Variants in ITGA11 observed in about 807,000 individuals in gnomAD.
The protein encoded by ITGA11 is integrin subunit alpha 11.
In ITGA11, 97 loss-of-function variants were observed where a neutral mutation model predicts 141.9. The observed-to-expected ratio is 0.68, with a 90% CI of 0.58 to 0.81. ITGA11 has a LOEUF of 0.81. ITGA11 is among the 30% of genes least tolerant of loss of function. The probability of loss-of-function intolerance (pLI) is 0.00; values close to 1 mark genes in which losing one functional copy is unlikely to be tolerated. For missense variants in ITGA11, 1,387 were observed against 1,559.2 expected (o/e 0.89, Z 1.86); for synonymous variants, 658 against 624.6 (o/e 1.05, Z -0.80).
intron 1 of ITGA11, among the ~76,000 whole-genome samples, chr15:68,420,029 T>C (rs1393424168): frequency 6.6e-6 from 1 of 152,162 alleles, no homozygotes; most frequent in African/African-American, 2.4e-5. Context: ...TCATGTCATC[T>C]CCCAAGCCAC....
intron 4 of ITGA11, among the ~76,000 whole-genome samples, chr15:68,362,775 G>T (rs1277650373): frequency 8.5e-5 from 13 of 152,122 alleles, no homozygotes; most frequent in Non-Finnish European, 2.9e-5. Flanking sequence ...TGGATGAATG[G>T]ATGATGAATG....
chr15:68,392,620 C>T (rs899947141), intron 2 of ITGA11, among the ~76,000 whole-genome samples: 1 of 152,112 alleles, frequency 6.6e-6, no homozygotes, highest in Non-Finnish European at 1.5e-5. Flanking sequence ...TAGTATGATA[C>T]ACTGGAAAAT....
At position 68,322,260 on chromosome 15, in the gene ITGA11, G is replaced by A. The variant is rs569027651; in HGVS notation, c.2323-757C>T. On this transcript the variant is annotated intron_variant, in intron 18 of 29. Coordinates refer to ENST00000315757, the MANE Select transcript of ITGA11 (RefSeq NM_001004439.2). This position sits in a 1 kb window ranked among gnomAD's most constrained non-coding sequence, Gnocchi z 5.6. ...TTCCTTGCAACTGGTAGGAGTCGCC[G>A]AATGCCTCAGGCAGGGAATGTCCTG... Among the ~76,000 whole-genome samples the A allele has an allele frequency of 5.3e-5, 8 of 152,270 alleles. No homozygotes were observed. The South Asian group carries it at 8.3e-4, about 16-fold the overall frequency.
chr15:68,369,206 C>T lies in ITGA11; in HGVS notation c.243G>A (p.Gly81=), dbSNP rs1459455689. 3.1e-6 allele frequency: 5 copies of T among 1,613,778 alleles called. No homozygotes were observed. Among genetic ancestry groups the T allele is most frequent in the Non-Finnish European group, 4.2e-6 (5 of 1,179,828 alleles). The change falls in exon 3 of 30, where the codon GGG becomes GGA. Residue 81 remains glycine, a synonymous_variant. Coordinates refer to ENST00000315757, the MANE Select transcript of ITGA11 (RefSeq NM_001004439.2). ...TACCCAGGTTGAGTTTGGTGCAGTT[C>T]CCGTGGATCACTGGACACTTGTACA... is the stretch of plus-strand genomic sequence containing the variant. The part of the protein sequence containing the change: ...GDVYKCPVIH[G]NCTKLNLGRV...
chr15:68,427,724 C>T (rs75605342), intron 1 of ITGA11, among the ~76,000 whole-genome samples: 4,482 of 152,220 alleles, frequency 0.029, 94 homozygotes, highest in South Asian at 0.045. Flanking sequence ...ACTTAATGGG[C>T]ATTTGACAAA....
At chr15:68,334,993 C>T (rs541508860) in intron 12 of ITGA11, among the ~76,000 whole-genome samples, 3 of 152,076 alleles carry the variant, frequency 2.0e-5, no homozygotes, top group South Asian at 2.1e-4. Context: ...CGGTGAGGAG[C>T]GGATTCTCAC....
chr15:68,312,424 T>C (rs1893420617), intron 24 of ITGA11, among the ~76,000 whole-genome samples: 1 of 152,152 alleles, frequency 6.6e-6, no homozygotes, highest in Non-Finnish European at 1.5e-5. Flanking sequence ...GATGGTGGAA[T>C]AGAAGACCCA....
chr15:68,315,122 A>G (rs1250594671), intron 22 of ITGA11, among the ~76,000 whole-genome samples: 2 of 152,170 alleles, frequency 1.3e-5, no homozygotes, highest in Non-Finnish European at 2.9e-5. Context: ...TAAAAATAGA[A>G]AAAGGGGAGA....
At chr15:68,391,141 G>C (rs973379827) in intron 2 of ITGA11, among the ~76,000 whole-genome samples, 1 of 152,204 alleles carries the variant, frequency 6.6e-6, no homozygotes, top group Non-Finnish European at 1.5e-5. Context: ...ATCCACACAA[G>C]TGGGAACAGA....
chr15:68,331,967 C>T lies in ITGA11; in HGVS notation c.1662G>A (p.Gln554=), dbSNP rs372179269. 3.1e-6 allele frequency: 5 copies of T among 1,613,204 alleles called. No individual in the cohort carries two copies. The highest frequency in any genetic ancestry group is 4.2e-6 in the Non-Finnish European group (5 of 1,179,684). ...CCACCACCACGTCATTGTAGGAATC[C>T]TGGTTGAGGTCTCGAACTGAGGCAA... ...SSIASVRDLN[Q]DSYNDVVVGA... The change falls in exon 14 of 30, where the codon CAG becomes CAA. Residue 554 remains glutamine (Q), a synonymous_variant. Transcript: ENST00000315757.
intron 5 of ITGA11, among the ~76,000 whole-genome samples, chr15:68,359,981 GCAGA>G (rs1895190463): frequency 6.6e-6 from 1 of 152,242 alleles, no homozygotes; most frequent in African/African-American, 2.4e-5. Context: ...TCAGTGCTGA[GCAGA>G]CAGAGGAAGG....
intron 1 of ITGA11, among the ~76,000 whole-genome samples, chr15:68,403,628 CTTTCT>C (rs985132718): frequency 7.3e-5 from 11 of 151,028 alleles, no homozygotes; most frequent in African/African-American, 1.7e-4. Context: ...TTCTTTCTTT[CTTTCT>C]TTTTTTTTTC....
intron 1 of ITGA11, among the ~76,000 whole-genome samples, chr15:68,422,116 T>G (rs1897032745): frequency 6.6e-6 from 1 of 152,178 alleles, no homozygotes; most frequent in Non-Finnish European, 1.5e-5. Flanking sequence ...ATAGAGGCTC[T>G]GTGCCGTGGG....
chr15:68,372,252 T>G (rs1895611641), intron 2 of ITGA11, among the ~76,000 whole-genome samples: 1 of 152,142 alleles, frequency 6.6e-6, no homozygotes, highest in Non-Finnish European at 1.5e-5. Flanking sequence ...TTTGAGAGGA[T>G]AACTGCCGAA....
intron 1 of ITGA11, among the ~76,000 whole-genome samples, chr15:68,421,602 G>A (rs4408487): frequency 0.14 from 21,805 of 151,508 alleles, 4,402 homozygotes; most frequent in African/African-American, 0.45. Flanking sequence ...CTGACCCCTC[G>A]TGTAACCTGC....
In ITGA11 at chr15:68,356,171, T is replaced by C. The variant is rs539427002; in HGVS notation, c.749+980A>G. 2.6e-5 allele frequency among the ~76,000 whole-genome samples: 4 copies of C among 152,152 alleles called. No homozygotes were observed. In the South Asian group the frequency reaches 6.2e-4, roughly 24 times the overall value. Reference sequence around the variant, plus strand: ...AGTGCAGTGGCACCATCTTGGCTCATTGCAACCTCTGCATCCTGGATTCAA... The same window carrying C: ...AGTGCAGTGGCACCATCTTGGCTCACTGCAACCTCTGCATCCTGGATTCAA... On this transcript the variant is annotated intron_variant, in intron 7 of 29. Coordinates refer to ENST00000315757, the MANE Select transcript of ITGA11 (RefSeq NM_001004439.2).
At chr15:68,389,970 G>T (rs11638575) in intron 2 of ITGA11, among the ~76,000 whole-genome samples, 57,167 of 152,072 alleles carry the variant, frequency 0.38, 11,214 homozygotes, top group African/African-American at 0.49. Context: ...TAAAACCCAC[G>T]GAATTAATAA....
In ITGA11 at chr15:68,322,822, C is replaced by T. The variant is rs1170174673; in HGVS notation, c.2323-1319G>A. ...GCAGTGGGCCAAGATCGTGCCACTA[C>T]ACTCCAACCTGGGTGACAGAGGGAG... is the stretch of plus-strand genomic sequence containing the variant. On this transcript the variant is annotated intron_variant, in intron 18 of 29. Coordinates refer to ENST00000315757, the MANE Select transcript of ITGA11 (RefSeq NM_001004439.2). This position sits in a 1 kb window ranked among gnomAD's most constrained non-coding sequence, Gnocchi z 5.6. 1.3e-5 allele frequency among the ~76,000 whole-genome samples: 2 copies of T among 149,862 alleles called. No homozygotes were observed. Among genetic ancestry groups the T allele is most frequent in the African/African-American group, 4.9e-5 (2 of 40,552 alleles).
chr15:68,380,775 C>T (rs942195255), intron 2 of ITGA11, among the ~76,000 whole-genome samples: 1 of 152,196 alleles, frequency 6.6e-6, no homozygotes, highest in Non-Finnish European at 1.5e-5. Flanking sequence ...GAGGGACAGA[C>T]AATTCCCTGC....
Sources: gnomAD v4.1 joint callset for allele counts (sites outside exome capture counted in the v4.1 genomes callset) on GRCh38, gnomAD v4.1.1 for gene constraint, Gnocchi (gnomAD v3.1) non-coding constraint, MANE v1.5 for transcripts, NCBI Gene and HGNC (gene_info 2026-07-23, HGNC 2026-07-21) for gene names.